Variants in CNST observed in about 807,000 individuals in gnomAD.
The protein encoded by CNST is consortin, connexin sorting protein, also known as consortin.
Under a neutral mutation model 72.4 loss-of-function variants are expected in CNST, and 39 were observed. That is an observed-to-expected ratio of 0.54 (90% CI 0.42 to 0.70). CNST has a LOEUF of 0.70. Ranked by LOEUF, CNST falls within the 30% of genes least tolerant of loss-of-function variation. The probability of loss-of-function intolerance (pLI) is 0.00; values close to 1 mark genes in which losing one functional copy is unlikely to be tolerated. For synonymous variants in CNST, 332 were observed against 320.1 expected, an observed-to-expected ratio of 1.04 and a Z score of -0.40; for missense variants, 871 against 868.5, an observed-to-expected ratio of 1.00 and a Z score of -0.04.
At chr1:246,661,126 C>T (rs962114330) in intron 10 of CNST, among the ~76,000 whole-genome samples, 28 of 151,996 alleles carry the variant, frequency 1.8e-4, no homozygotes, top group African/African-American at 6.3e-4. Context: ...CATGCCACCA[C>T]GCCCGGCTAA....
chr1:246,606,377 T>C (rs964093255), intron 2 of CNST: 1 of 152,090 alleles, frequency 6.6e-6, no homozygotes, highest in African/African-American at 2.4e-5. Context: ...GCTACTTTTC[T>C]GATGTTTGAA....
At chr1:246,623,721 C>G (rs112041122) in intron 3 of CNST, among the ~76,000 whole-genome samples, 9,776 of 151,794 alleles carry the variant, frequency 0.064, 1,006 homozygotes, top group African/African-American at 0.21. Flanking sequence ...GAGATCGCAC[C>G]ACTGCACTCC....
At chr1:246,586,214 T>C (rs941133913) in intron 1 of CNST, among the ~76,000 whole-genome samples, 2 of 147,304 alleles carry the variant, frequency 1.4e-5, no homozygotes, top group Admixed American at 1.4e-4. Flanking sequence ...TATTATATAG[T>C]ATATATAATA....
chr1:246,598,632 G>A (rs1662049211), intron 2 of CNST, among the ~76,000 whole-genome samples: 1 of 152,162 alleles, frequency 6.6e-6, no homozygotes, highest in Non-Finnish European at 1.5e-5. Context: ...GTAGAACATT[G>A]ATAGCTGGCC....
At chr1:246,654,865 A>G (rs898637827) in intron 9 of CNST, among the ~76,000 whole-genome samples, 3 of 152,006 alleles carry the variant, frequency 2.0e-5, no homozygotes, top group South Asian at 2.1e-4. Context: ...AGCACCTACT[A>G]TATTATAGAA....
rs372436755 is a variant in CNST, at chr1:246,660,632, G to A, written c.1972+298G>A. Among the ~76,000 whole-genome samples the A allele has an allele frequency of 6.5e-4, 99 of 152,306 alleles. No homozygotes were observed. In the East Asian group the frequency reaches 0.019, roughly 29 times the overall value. ...CCCAGCTACTCAGGAGACTGAAGCA[G>A]GAGAATCGCTTGAACCCGGGAGACA... is the stretch of plus-strand genomic sequence containing the variant. On this transcript the variant is annotated intron_variant, in intron 10 of 10. Coordinates refer to ENST00000366513, the MANE Select transcript of CNST (RefSeq NM_152609.3).
At chr1:246,623,898 C>CAG (rs1553379154) in intron 3 of CNST, among the ~76,000 whole-genome samples, 5 of 138,720 alleles carry the variant, frequency 3.6e-5, no homozygotes, top group Non-Finnish European at 7.7e-5. Context: ...CTTGTCTCTA[C>CAG]AAAAAAAAAA....
In CNST at chr1:246,666,001, C is replaced by G. The variant is rs1340149625; in HGVS notation, c.*96C>G. 1.2e-6 allele frequency: 1 copy of G among 866,984 alleles called. No individual in the cohort carries two copies. Among genetic ancestry groups the G allele is most frequent in the Non-Finnish European group, 1.8e-6 (1 of 560,900 alleles). The allele number at this position is 866,984 out of a possible 1,614,324, so 53.7% of individuals were successfully genotyped here. ...CAGGAATTCTGTAGCATTCCCCCTT[C>G]CCTCTGTTAGGAACCAAGGACATCA... is the stretch of plus-strand genomic sequence containing the variant. On this transcript the variant is annotated 3_prime_UTR_variant, in exon 11 of 11. Coordinates refer to ENST00000366513, the MANE Select transcript of CNST (RefSeq NM_152609.3).
At chr1:246,642,592 G>A (rs949708841) in intron 8 of CNST, among the ~76,000 whole-genome samples, 5 of 151,482 alleles carry the variant, frequency 3.3e-5, no homozygotes, top group Non-Finnish European at 7.4e-5. Flanking sequence ...TGTGCCTTAC[G>A]TCAAAAGATT....
rs1170084990 is a variant in CNST, at chr1:246,667,279, CTTAT to C, written c.*1382_*1385del. On this transcript the variant is annotated 3_prime_UTR_variant, in exon 11 of 11. Coordinates refer to ENST00000366513, the MANE Select transcript of CNST (RefSeq NM_152609.3). ...CACAGTACCTCCCTTTGTGTTTCTG[CTTAT>C]TTATTTAGATTATGTGAATCTTAAA... The C allele has an allele frequency of 6.6e-6, 1 of 152,066 alleles. No homozygotes were observed. The highest frequency in any genetic ancestry group is 2.4e-5 in the African/African-American group (1 of 41,404). The allele number at this position is 152,066 out of a possible 1,614,324, so 9.4% of individuals were successfully genotyped here.
intron 2 of CNST, among the ~76,000 whole-genome samples, chr1:246,609,935 TTATATC>T: frequency 6.6e-6 from 1 of 152,304 alleles, no homozygotes; most frequent in Middle Eastern, 3.4e-3. Flanking sequence ...CAACCATCAT[TTATATC>T]TATTTCTAAA....
chr1:246,646,294 A>AAAAAAAAAAAAAC (rs1666068031), intron 8 of CNST, among the ~76,000 whole-genome samples: 5 of 151,278 alleles, frequency 3.3e-5, no homozygotes, highest in African/African-American at 1.2e-4. Flanking sequence ...AAAAAAAAAA[A>AAAAAAAAAAAAAC]GTTGCAAGTA....
intron 2 of CNST, among the ~76,000 whole-genome samples, chr1:246,594,842 G>A (rs951268193): frequency 2.0e-5 from 3 of 152,142 alleles, no homozygotes; most frequent in Non-Finnish European, 4.4e-5. Flanking sequence ...CACTTGGTGA[G>A]ACTGAAGCAG....
At chr1:246,625,891 G>A (rs1407860333) in intron 3 of CNST, among the ~76,000 whole-genome samples, 8 of 152,014 alleles carry the variant, frequency 5.3e-5, no homozygotes, top group Admixed American at 1.3e-4. Flanking sequence ...TGTTAAATCC[G>A]GTGGTCAGAC....
At chr1:246,634,721 G>T in intron 6 of CNST, 134 bp downstream of exon 6, 1 of 624,668 alleles carries the variant, frequency 1.6e-6, no homozygotes, top group Non-Finnish European at 2.7e-6. Context: ...ATTATTGCAA[G>T]GCTCTAGTAT....
chr1:246,631,992 G>A (rs770384437), intron 4 of CNST, 68 bp downstream of exon 4: 1 of 948,076 alleles, frequency 1.1e-6, no homozygotes, highest in East Asian at 2.4e-5. Context: ...TTTTTTAATT[G>A]AAGTATATTT....
At chr1:246,575,206 C>G (rs945161809) in intron 1 of CNST, among the ~76,000 whole-genome samples, 1 of 152,068 alleles carries the variant, frequency 6.6e-6, no homozygotes, top group Non-Finnish European at 1.5e-5. Context: ...GTTGGCCAGG[C>G]TGGTCTTGAA....
chr1:246,620,832 C>T (rs3129549), intron 2 of CNST, among the ~76,000 whole-genome samples: 60,947 of 138,056 alleles, frequency 0.44, 15,124 homozygotes, highest in Non-Finnish European at 0.56. Context: ...ATACACACGA[C>T]GGGCTCTGGG....
chr1:246,621,530 G>C lies in CNST; in HGVS notation c.481G>C (p.Glu161Gln). The C allele has an allele frequency of 6.2e-7, 1 of 1,614,064 alleles. No homozygotes were observed. Among genetic ancestry groups the C allele is most frequent in the South Asian group, 1.1e-5 (1 of 91,078 alleles). Residue 161 changes from glutamate (E) to glutamine (Q), a missense_variant, in exon 3 of 11, where the codon GAG becomes CAG. By Grantham distance (29) the Glu-to-Gln change is conservative. Coordinates refer to ENST00000366513, the MANE Select transcript of CNST (RefSeq NM_152609.3). The stretch of plus-strand genomic sequence containing the variant: ...AGAAGCTGCTGAAGTAAATGCTAAT[G>C]AGCAGCCAGAGGCGCCAAAGCTTGT... ...DEEAAEVNAN[E>Q]QPEAPKLVLQ...
Sources: allele counts gnomAD v4.1 joint callset (sites outside exome capture counted in the v4.1 genomes callset), GRCh38; gene constraint gnomAD v4.1.1; transcripts MANE v1.5; gene names NCBI Gene and HGNC (gene_info 2026-07-23, HGNC 2026-07-21).